The following PDE10A variants were observed in gnomAD, a reference collection of about 807,000 sequenced individuals.
PDE10A encodes phosphodiesterase 10A.
A neutral mutation model predicts 97.7 loss-of-function variants in PDE10A; 39 were observed. The ratio of observed to expected loss-of-function variants is 0.40; its 90% CI spans 0.31 to 0.52. PDE10A has a LOEUF of 0.52. Among genes scored for constraint, PDE10A ranks in the 20% least tolerant of loss-of-function variants. PDE10A has a pLI of 0.56. For missense variants in PDE10A, 731 were observed against 1,047.8 expected (o/e 0.70, Z 4.17); for synonymous variants, 371 against 376.8 (o/e 0.98, Z 0.18).
At chr6:165,459,427 A>G (rs1439167191) in intron 3 of PDE10A, among the ~76,000 whole-genome samples, 1 of 152,064 alleles carries the variant, frequency 6.6e-6, no homozygotes, top group Non-Finnish European at 1.5e-5. Flanking sequence ...CCTTAGTAGA[A>G]AATGGCATTT....
At position 165,671,356 on chromosome 6, in the gene PDE10A, C is replaced by T. The variant is rs1790643046; in HGVS notation, c.-614-127788G>A. On this transcript the variant is annotated intron_variant, in intron 1 of 19. Transcript: ENST00000366882. The surrounding 1 kb of genome is among the most constrained non-coding windows in gnomAD (Gnocchi z 4.6). Reference sequence around the variant, plus strand: ...GTAAGCACAACGACCCATGAGTGATCACAGAGTGAGCATAACCCCTGAAGA... The same window carrying T: ...GTAAGCACAACGACCCATGAGTGATTACAGAGTGAGCATAACCCCTGAAGA... Among the ~76,000 whole-genome samples, 1 of 152,074 alleles carries T rather than the reference C, an allele frequency of 6.6e-6. No individual in the cohort carries two copies. The highest frequency in any genetic ancestry group is 1.5e-5 in the Non-Finnish European group (1 of 68,010).
rs577746532 is a variant in PDE10A, at chr6:165,967,819, A to G, written c.-615+19710T>C. On this transcript the variant is annotated intron_variant, in intron 1 of 19. Transcript: ENST00000366882. ...CATGAATTTATACACAAGAGAAGTG[A>G]TTCCCATGTTTCATTTGATGTGTAA... Among the ~76,000 whole-genome samples the G allele has an allele frequency of 3.9e-5, 6 of 152,260 alleles. No homozygotes were observed. The South Asian group carries it at 1.3e-3, about 32-fold the overall frequency.
chr6:165,699,979 T>C (rs1015780312), intron 1 of PDE10A, among the ~76,000 whole-genome samples: 1 of 150,246 alleles, frequency 6.7e-6, no homozygotes, highest in African/African-American at 2.5e-5. Flanking sequence ...AATTATAGAG[T>C]GGAAATTAAT....
At chr6:165,789,932 A>G (rs1205274505) in intron 1 of PDE10A, among the ~76,000 whole-genome samples, 2 of 152,216 alleles carry the variant, frequency 1.3e-5, no homozygotes, top group Non-Finnish European at 2.9e-5. Context: ...GATAAGAAAG[A>G]GACGGGATGG....
At chr6:165,858,015 T>A (rs550418132) in intron 1 of PDE10A, among the ~76,000 whole-genome samples, 1 of 152,294 alleles carries the variant, frequency 6.6e-6, no homozygotes, top group South Asian at 2.1e-4. Context: ...GAAATAGGGA[T>A]GGAGATAGAA....
chr6:165,558,572 G>C (rs1047662236), intron 1 of PDE10A, among the ~76,000 whole-genome samples: 1 of 151,928 alleles, frequency 6.6e-6, no homozygotes, highest in African/African-American at 2.4e-5. Context: ...TTCTTTCTTT[G>C]CTCGCAAATA....
intron 1 of PDE10A, among the ~76,000 whole-genome samples, chr6:165,952,964 A>G (rs1583337525): frequency 6.6e-6 from 1 of 152,318 alleles, no homozygotes; most frequent in South Asian, 2.1e-4. Flanking sequence ...GTCCTACCTG[A>G]AAATTATGTT....
intron 1 of PDE10A, among the ~76,000 whole-genome samples, chr6:165,728,063 C>A (rs956876845): frequency 6.6e-6 from 1 of 152,124 alleles, no homozygotes; most frequent in Non-Finnish European, 1.5e-5. Flanking sequence ...CCACCCACCC[C>A]CAACATACAC....
rs913627971 is a variant in PDE10A, at chr6:165,734,953, G to A, written c.-614-191385C>T. 4.9e-5 allele frequency among the ~76,000 whole-genome samples: 3 copies of A among 60,874 alleles called. No homozygotes were observed. In the South Asian group the frequency reaches 1.8e-3, roughly 37 times the overall value. 39.9% of individuals were successfully genotyped at this position (60,874 alleles called of 152,430 possible). A position where few individuals can be genotyped will look rare whatever the true frequency, so the allele number is the denominator to read the frequency against. On this transcript the variant is annotated intron_variant, in intron 1 of 19. Coordinates refer to the PDE10A transcript ENST00000366882. ...CAGAAACAGAACCAATAAGAAAGTA[G>A]ATAGATAGATAGATAGATAGATAGA... is the stretch of plus-strand genomic sequence containing the variant.
At chr6:165,626,923 T>C (rs776193140) in intron 1 of PDE10A, among the ~76,000 whole-genome samples, 1 of 152,192 alleles carries the variant, frequency 6.6e-6, no homozygotes, top group Non-Finnish European at 1.5e-5. Flanking sequence ...AGTTTAGATG[T>C]CTGTAATTTT....
intron 1 of PDE10A, among the ~76,000 whole-genome samples, chr6:165,884,470 C>T (rs892197557): frequency 7.9e-5 from 12 of 152,180 alleles, no homozygotes; most frequent in Non-Finnish European, 1.8e-4. Context: ...CCCAAAGTCC[C>T]AGAACCCTCG....
intron 1 of PDE10A, among the ~76,000 whole-genome samples, chr6:165,921,069 T>G (rs1021167557): frequency 6.6e-6 from 1 of 152,142 alleles, no homozygotes; most frequent in African/African-American, 2.4e-5. Context: ...GGTTGAGGGA[T>G]GGAAGGGCTG....
intron 1 of PDE10A, among the ~76,000 whole-genome samples, chr6:165,850,387 G>T (rs918355924): frequency 6.6e-6 from 1 of 152,208 alleles, no homozygotes; most frequent in African/African-American, 2.4e-5. Context: ...GAACACATTT[G>T]TAGAACAGAA....
At chr6:165,705,058 G>T (rs6914702) in intron 1 of PDE10A, among the ~76,000 whole-genome samples, 3,002 of 152,298 alleles carry the variant, frequency 0.02, 125 homozygotes, top group African/African-American at 0.068. Context: ...CCCACACAGG[G>T]TGCTTCTTGT....
At chr6:165,743,189 A>C (rs529276027) in intron 1 of PDE10A, among the ~76,000 whole-genome samples, 22 of 152,362 alleles carry the variant, frequency 1.4e-4, no homozygotes, top group African/African-American at 5.1e-4. Context: ...CTCGTATTCC[A>C]GTGGAATTAT....
chr6:165,391,594 T>C (rs1223458525), intron 16 of PDE10A, among the ~76,000 whole-genome samples: 2 of 152,200 alleles, frequency 1.3e-5, no homozygotes, highest in Non-Finnish European at 2.9e-5. Context: ...AGAGATTTCA[T>C]GTGGATCTTT....
intron 13 of PDE10A, among the ~76,000 whole-genome samples, chr6:165,402,367 A>G (rs190820650): frequency 1.2e-3 from 186 of 152,212 alleles, no homozygotes; most frequent in African/African-American, 4.4e-3. Context: ...AGCACAAAAT[A>G]ATTAGTTTTA....
intron 1 of PDE10A, among the ~76,000 whole-genome samples, chr6:165,972,937 C>T (rs1201895300): frequency 1.3e-5 from 2 of 152,130 alleles, no homozygotes; most frequent in Admixed American, 6.5e-5. Flanking sequence ...TCATTCTCCT[C>T]TCCCCTCCAT....
At chr6:165,740,708 A>C (rs1792699865) in intron 1 of PDE10A, among the ~76,000 whole-genome samples, 1 of 152,154 alleles carries the variant, frequency 6.6e-6, no homozygotes, top group Non-Finnish European at 1.5e-5. Context: ...AACCTGGAGG[A>C]TATTATGAAC....
Sources: allele counts gnomAD v4.1 joint callset (sites outside exome capture counted in the v4.1 genomes callset), GRCh38; gene constraint gnomAD v4.1.1; non-coding constraint Gnocchi (gnomAD v3.1); transcripts MANE v1.5; gene names NCBI Gene and HGNC (gene_info 2026-07-23, HGNC 2026-07-21).